The following KIAA1217 variants were observed in gnomAD, a reference collection of about 807,000 sequenced individuals.
KIAA1217 encodes KIAA1217.
KIAA1217 carries 88 observed loss-of-function variants against 163.9 expected under a neutral mutation model. That is an observed-to-expected ratio of 0.54 (90% CI 0.45 to 0.64). The LOEUF is 0.64. KIAA1217 is among the 30% of genes least tolerant of loss of function. The pLI is 0.00. For synonymous variants in KIAA1217, 903 were observed against 923.1 expected (o/e 0.98, Z 0.39); for missense variants, 2,372 against 2,475.0 (o/e 0.96, Z 0.88).
At chr10:23,929,830 G>T (rs1938049) in intron 1 of KIAA1217, among the ~76,000 whole-genome samples, 28 of 152,050 alleles carry the variant, frequency 1.8e-4, no homozygotes, top group African/African-American at 4.8e-4. Flanking sequence ...CAGTGATGGG[G>T]TTGCTGGGTC....
chr10:23,835,787 T>C (rs1009033404), intron 1 of KIAA1217, among the ~76,000 whole-genome samples: 1 of 152,158 alleles, frequency 6.6e-6, no homozygotes, highest in African/African-American at 2.4e-5. Flanking sequence ...GGCGGTGAAA[T>C]TGATGTCTCA....
chr10:24,270,829 G>A (rs980048224), intron 2 of KIAA1217, among the ~76,000 whole-genome samples: 3 of 152,216 alleles, frequency 2.0e-5, no homozygotes, highest in African/African-American at 7.2e-5. Context: ...TCATAGGCAT[G>A]AGCCACTGCA....
At chr10:24,352,837 G>A (rs904723736) in intron 2 of KIAA1217, among the ~76,000 whole-genome samples, 3 of 152,014 alleles carry the variant, frequency 2.0e-5, no homozygotes, top group African/African-American at 4.8e-5. Flanking sequence ...GAGTGACCTC[G>A]ACTTTGTCCT....
chr10:24,202,685 C>T (rs144217691), intron 2 of KIAA1217, among the ~76,000 whole-genome samples: 2 of 152,288 alleles, frequency 1.3e-5, no homozygotes, highest in African/African-American at 2.4e-5. Flanking sequence ...GCCTCATCCT[C>T]CTGGAAGCCC....
chr10:23,904,890 T>G (rs1274233888), intron 1 of KIAA1217, among the ~76,000 whole-genome samples: 2 of 151,996 alleles, frequency 1.3e-5, no homozygotes, highest in Non-Finnish European at 2.9e-5. Context: ...TTTAAAAAAC[T>G]TGCCCACAGT....
intron 1 of KIAA1217, among the ~76,000 whole-genome samples, chr10:23,910,136 C>T (rs1415758863): frequency 6.6e-6 from 1 of 151,142 alleles, no homozygotes; most frequent in African/African-American, 2.4e-5. Flanking sequence ...ACATCACACA[C>T]GGGGGCCTGT....
chr10:23,958,589 G>C (rs1037270660), intron 1 of KIAA1217, among the ~76,000 whole-genome samples: 2 of 152,108 alleles, frequency 1.3e-5, no homozygotes, highest in African/African-American at 4.8e-5. Context: ...TGAGAAAAAC[G>C]TGACTTTTCC....
intron 1 of KIAA1217, among the ~76,000 whole-genome samples, chr10:23,818,264 AATATATAATATGTTATATATTTATATGTT>A (rs1837443041): frequency 7.0e-6 from 1 of 143,246 alleles, no homozygotes; most frequent in South Asian, 2.1e-4. Context: ...TTTTATATGT[AATATATAATATGTTATATATTTATATGTT>A]ATATATAAAT....
intron 2 of KIAA1217, among the ~76,000 whole-genome samples, chr10:24,202,875 A>G (rs889604365): frequency 6.6e-6 from 1 of 152,172 alleles, no homozygotes; most frequent in African/African-American, 2.4e-5. Context: ...TCTATAGTTG[A>G]AAGAAGAGGA....
chr10:24,438,341 C>T (rs1332342274), intron 4 of KIAA1217, 45 bp from the exon 5 acceptor site: 3 of 1,396,160 alleles, frequency 2.1e-6, no homozygotes, highest in East Asian at 2.3e-5. Flanking sequence ...TGGCCAAAGT[C>T]AGGCTTCTTT....
At chr10:23,923,975 A>G (rs1842935265) in intron 1 of KIAA1217, among the ~76,000 whole-genome samples, 1 of 152,236 alleles carries the variant, frequency 6.6e-6, no homozygotes, top group Non-Finnish European at 1.5e-5. Flanking sequence ...ACCTATTCAT[A>G]TACATAGATT....
At chr10:23,947,287 A>C (rs544799170) in intron 1 of KIAA1217, among the ~76,000 whole-genome samples, 2 of 152,318 alleles carry the variant, frequency 1.3e-5, no homozygotes, top group African/African-American at 4.8e-5. Flanking sequence ...TTATGACTAG[A>C]AGAAAAGATG....
At chr10:23,713,780 A>T (rs1588647223) in intron 1 of KIAA1217, among the ~76,000 whole-genome samples, 1 of 152,178 alleles carries the variant, frequency 6.6e-6, no homozygotes, top group Non-Finnish European at 1.5e-5. Flanking sequence ...CATCCTAAAA[A>T]AGAGTCAACT....
At chr10:23,994,136 G>T (rs2131446567) in intron 1 of KIAA1217, among the ~76,000 whole-genome samples, 1 of 152,260 alleles carries the variant, frequency 6.6e-6, no homozygotes, top group Non-Finnish European at 1.5e-5. Flanking sequence ...GGTCTAACCT[G>T]GTCATGACTG....
intron 2 of KIAA1217, among the ~76,000 whole-genome samples, chr10:24,254,914 C>T (rs560681419): frequency 3.3e-5 from 5 of 151,340 alleles, no homozygotes; most frequent in South Asian, 2.1e-4. Context: ...AGTGCAATGA[C>T]GTAATCTTGG....
upstream of KIAA1217, among the ~76,000 whole-genome samples, chr10:24,206,438 T>C (rs1045165779): frequency 6.6e-6 from 1 of 152,172 alleles, no homozygotes; most frequent in Non-Finnish European, 1.5e-5. Flanking sequence ...CAGGTTTATA[T>C]AGATTGCAGA....
At position 24,238,262 on chromosome 10, in the gene KIAA1217, G is replaced by A. The variant is rs375394423; in HGVS notation, c.354+18353G>A. 2.6e-4 allele frequency among the ~76,000 whole-genome samples: 40 copies of A among 152,276 alleles called. 3 individuals carry two copies. Among genetic ancestry groups the A allele is most frequent in the South Asian group, 1.9e-3 (9 of 4,822 alleles). ...GAGTTCCTCTGAAGAACTTTGTACT[G>A]TGGCATATGACAGCGACCTGATAAC... On this transcript the variant is annotated intron_variant, in intron 2 of 20. Coordinates refer to ENST00000376454, the MANE Select transcript of KIAA1217 (RefSeq NM_019590.5).
At chr10:24,335,584 TTTTA>T (rs58982993) in intron 2 of KIAA1217, among the ~76,000 whole-genome samples, 43 of 138,424 alleles carry the variant, frequency 3.1e-4, no homozygotes, top group East Asian at 6.4e-4. Flanking sequence ...TTTTATCTTA[TTTTA>T]TTTATTTATT....
intron 1 of KIAA1217, among the ~76,000 whole-genome samples, chr10:23,901,839 A>T (rs1466232511): frequency 1.4e-5 from 2 of 145,338 alleles, no homozygotes; most frequent in Admixed American, 1.4e-4. Context: ...TGAACCTGGG[A>T]GGTGGAGATT....
Sources: allele counts gnomAD v4.1 joint callset (sites outside exome capture counted in the v4.1 genomes callset), GRCh38; gene constraint gnomAD v4.1.1; transcripts MANE v1.5; gene names NCBI Gene and HGNC (gene_info 2026-07-23, HGNC 2026-07-21).